Variants in ZBTB4 observed in about 807,000 individuals in gnomAD.
The protein encoded by ZBTB4 is zinc finger and BTB domain containing 4.
ZBTB4 carries 14 observed loss-of-function variants against 59.8 expected under a neutral mutation model. The ratio of observed to expected loss-of-function variants is 0.23; its 90% CI spans 0.15 to 0.37. ZBTB4 has a LOEUF of 0.37. Ranked by LOEUF, ZBTB4 falls within the 10% of genes least tolerant of loss-of-function variation. The pLI is 1.00. For missense variants in ZBTB4, 1,198 were observed against 1,380.8 expected (o/e 0.87, Z 2.10); for synonymous variants, 587 against 575.2 (o/e 1.02, Z -0.29).
rs147041318 is a variant in ZBTB4 at position 7,466,778 on chromosome 17, C to T, written c.24G>A (p.Thr8=). The part of the protein sequence containing the change: MPPPAEV[T]DPSHAPAVLR... ...GGACGGCGGGGGCATGGGACGGGTC[C>T]GTCACCTCTGCAGGGGGGGGCATGG... The change falls in exon 3 of 4, where the codon ACG becomes ACA. Residue 8 remains threonine (T), a synonymous_variant. Transcript: ENST00000380599. The surrounding 1 kb of genome is among the most constrained non-coding windows in gnomAD (Gnocchi z 9.1). The T allele has an allele frequency of 2.9e-4, 460 of 1,574,838 alleles. 1 individual carries two copies. The highest frequency in any genetic ancestry group is 3.7e-4 in the Non-Finnish European group (432 of 1,161,838).
In ZBTB4 at chr17:7,461,718, C is replaced by A. The variant is rs1047338819; in HGVS notation, c.*222G>T. 2 of 439,190 alleles carry A rather than the reference C, an allele frequency of 4.6e-6. No homozygotes were observed. Among genetic ancestry groups the A allele is most frequent in the Admixed American group, 3.9e-5 (1 of 25,360 alleles). 27.2% of individuals were successfully genotyped at this position (439,190 alleles called of 1,614,324 possible). A position where few individuals can be genotyped will look rare whatever the true frequency, so the allele number is the denominator to read the frequency against. On this transcript the variant is annotated 3_prime_UTR_variant, in exon 4 of 4. Coordinates refer to ENST00000380599, the MANE Select transcript of ZBTB4 (RefSeq NM_001128833.2). ...GGCCCTGCCCCTCATGGAGGCCATTCCCTGGAGGAAGACTGAGAGGGGAAC... is the reference window on the plus strand; with the variant it reads ...GGCCCTGCCCCTCATGGAGGCCATTACCTGGAGGAAGACTGAGAGGGGAAC...
At chr17:7,483,750 G>C (rs975811154), upstream of ZBTB4, among the ~76,000 whole-genome samples, 38 of 152,156 alleles carry the variant, frequency 2.5e-4, no homozygotes, top group Admixed American at 1.2e-3. Context: ...CCTCCTTCCA[G>C]AGCAGGCCTC....
Position 7,463,297 on chromosome 17 carries a change from G to A in ZBTB4, c.1685C>T (p.Pro562Leu). The A allele has an allele frequency of 6.2e-7, 1 of 1,610,376 alleles. No homozygotes were observed. The highest frequency in any genetic ancestry group is 8.5e-7 in the Non-Finnish European group (1 of 1,178,720). Residue 562 changes from proline (P) to leucine (L), a missense_variant, in exon 4 of 4, where the codon CCA (proline) becomes CTA (leucine). Physicochemically the swap from Pro to Leu is moderately conservative, Grantham distance 98. Transcript: ENST00000380599. ...TTTEEAKGRNPRAGRTLTYTA... is the reference protein window; with the variant it reads ...TTTEEAKGRNLRAGRTLTYTA... ...GTAAGTCAGAGTCCTTCCAGCCCGT[G>A]GATTCCGGCCCTTGGCCTCCTCCGT...
At position 7,462,557 on chromosome 17, in the gene ZBTB4, T is replaced by C. The variant is rs1421091668; in HGVS notation, c.2425A>G (p.Thr809Ala). 1 of 1,613,512 alleles carries C rather than the reference T, an allele frequency of 6.2e-7. No homozygotes were observed. Among genetic ancestry groups the C allele is most frequent in the Non-Finnish European group, 8.5e-7 (1 of 1,179,914 alleles). The change falls in exon 4 of 4, where the codon ACC becomes GCC. Residue 809 changes from threonine (T) to alanine (A), a missense_variant. Physicochemically the swap from Thr to Ala is moderately conservative, Grantham distance 58. Coordinates refer to ENST00000380599, the MANE Select transcript of ZBTB4 (RefSeq NM_001128833.2). The surrounding 1 kb of genome is among the most constrained non-coding windows in gnomAD (Gnocchi z 7.5). ...TCCTCCTTGACATCCCCGGGCCTGG[T>C]GCCAGCGCTGCCCTTGGAATAGGCA... is the stretch of plus-strand genomic sequence containing the variant. The part of the protein sequence containing the change: ...VIAYSKGSAG[T>A]RPGDVKEEAP...
chr17:7,465,918 C>T lies in ZBTB4; in HGVS notation c.884G>A (p.Gly295Asp). The T allele has an allele frequency of 2.5e-6, 4 of 1,610,538 alleles. No individual in the cohort carries two copies. Among genetic ancestry groups the T allele is most frequent in the Non-Finnish European group, 3.4e-6 (4 of 1,177,662 alleles). Residue 295 changes from glycine (G) to aspartate (D), a missense_variant, in exon 3 of 4, where the codon GGC (glycine) becomes GAC (aspartate). Gly to Asp is a moderately conservative substitution (Grantham distance 94, BLOSUM62 -1). Transcript: ENST00000380599. ...ALPPPVGFRG[G>D]PEHVVKVVGG... The stretch of plus-strand genomic sequence containing the variant: ...CACCACCTTCACCACGTGCTCGGGG[C>T]CCCCTCGGAAGCCCACTGGTGGAGG...
At position 7,463,324 on chromosome 17, in the gene ZBTB4, G is replaced by A. The variant is rs755765043; in HGVS notation, c.1658C>T (p.Thr553Ile). Reference protein sequence around the residue: ...ATAAGPAMATTTEEAKGRNPR... With the variant: ...ATAAGPAMATITEEAKGRNPR... ...ATTCCGGCCCTTGGCCTCCTCCGTGGTGGTGGCCATGGCTGGCCCTGCAGC... is the reference window on the plus strand; with the variant it reads ...ATTCCGGCCCTTGGCCTCCTCCGTGATGGTGGCCATGGCTGGCCCTGCAGC... Residue 553 changes from threonine (T) to isoleucine (I), a missense_variant, in exon 4 of 4, where the codon ACC (threonine) becomes ATC (isoleucine). Thr to Ile is a moderately conservative substitution (Grantham distance 89, BLOSUM62 -1). This residue lies in a region of ZBTB4 where 550 missense variants were observed against 541.8 expected (regional missense o/e 1.02). Coordinates refer to ENST00000380599, the MANE Select transcript of ZBTB4 (RefSeq NM_001128833.2). The A allele has an allele frequency of 8.7e-6, 14 of 1,608,930 alleles. No individual in the cohort carries two copies. Among genetic ancestry groups the A allele is most frequent in the Non-Finnish European group, 1.1e-5 (13 of 1,177,972 alleles).
At position 7,463,658 on chromosome 17, in the gene ZBTB4, T is replaced by C. The variant is rs2070069967; in HGVS notation, c.1324A>G (p.Thr442Ala). Residue 442 changes from threonine to alanine, a missense_variant, in exon 4 of 4, where the codon ACC becomes GCC. By Grantham distance (58) the Thr-to-Ala change is moderately conservative. This residue lies in a region of ZBTB4 where 550 missense variants were observed against 541.8 expected (regional missense o/e 1.02). Transcript: ENST00000380599. ...QGAPEAPLSP[T>A]LNTPAPVAMP... is the part of the protein sequence containing the mutation. ...GCCACAGGGGCCGGTGTGTTGAGGG[T>C]TGGAGAAAGGGGAGCCTCCGGGGCT... The C allele has an allele frequency of 1.9e-6, 3 of 1,612,716 alleles. No homozygotes were observed. Among genetic ancestry groups the C allele is most frequent in the South Asian group, 1.1e-5 (1 of 91,048 alleles).
intron 1 of ZBTB4, among the ~76,000 whole-genome samples, chr17:7,471,634 T>G (rs1358475305): frequency 6.6e-6 from 1 of 152,224 alleles, no homozygotes; most frequent in African/African-American, 2.4e-5. Context: ...GCTACTGCCC[T>G]GCAAGGCCTT....
At chr17:7,477,716 G>C (rs1183861269) in intron 1 of ZBTB4, among the ~76,000 whole-genome samples, 2 of 152,170 alleles carry the variant, frequency 1.3e-5, no homozygotes, top group Admixed American at 1.3e-4. Context: ...ACCCACAAGG[G>C]GGGCAGAGAG....
chr17:7,465,659 G>T, intron 3 of ZBTB4, 52 bp downstream of exon 3: 2 of 1,543,776 alleles, frequency 1.3e-6, no homozygotes, highest in South Asian at 2.5e-5. Context: ...TTGTTCCTAT[G>T]ACCGCTGAGT....
Position 7,465,983 on chromosome 17 carries a change from A to G in ZBTB4, c.819T>C (p.Ala273=). 1.2e-6 allele frequency: 2 copies of G among 1,602,030 alleles called. No homozygotes were observed. Among genetic ancestry groups the G allele is most frequent in the Non-Finnish European group, 1.7e-6 (2 of 1,171,912 alleles). Residue 273 remains alanine (A), a synonymous_variant, in exon 3 of 4, where the codon GCT becomes GCC. Coordinates refer to ENST00000380599, the MANE Select transcript of ZBTB4 (RefSeq NM_001128833.2). ...RGSTGLGAGG[A]GPGGPAGVDA... is the part of the protein sequence containing the mutation. ...CCACCCCTGCAGGACCACCAGGGCCAGCGCCCCCAGCTCCCAGCCCTGTAG... is the reference window on the plus strand; with the variant it reads ...CCACCCCTGCAGGACCACCAGGGCCGGCGCCCCCAGCTCCCAGCCCTGTAG...
chr17:7,462,905 G>A lies in ZBTB4; in HGVS notation c.2077C>T (p.Arg693Cys), dbSNP rs542157841. ...SVGGSGLPRGRRPPRWRQKLE... is the reference protein window; with the variant it reads ...SVGGSGLPRGCRPPRWRQKLE... ...TTCTGCCTCCAACGTGGTGGCCGGCGGCCTCGGGGCAGCCCACTGCCCCCC... is the reference window on the plus strand; with the variant it reads ...TTCTGCCTCCAACGTGGTGGCCGGCAGCCTCGGGGCAGCCCACTGCCCCCC... Residue 693 changes from arginine (R) to cysteine (C), a missense_variant, in exon 4 of 4, where the codon CGC (arginine) becomes TGC (cysteine). This residue lies in a region of ZBTB4 where 550 missense variants were observed against 541.8 expected (regional missense o/e 1.02). Transcript: ENST00000380599. The surrounding 1 kb of genome is among the most constrained non-coding windows in gnomAD (Gnocchi z 7.5). 8 of 1,608,884 alleles carry A rather than the reference G, an allele frequency of 5.0e-6. No homozygotes were observed. The highest frequency in any genetic ancestry group is 1.7e-5 in the Admixed American group (1 of 59,980).
At chr17:7,476,122 C>T (rs919915856) in intron 1 of ZBTB4, among the ~76,000 whole-genome samples, 1 of 152,194 alleles carries the variant, frequency 6.6e-6, no homozygotes, top group African/African-American at 2.4e-5. Context: ...GTTATGGCCT[C>T]CCAGCTATCC....
chr17:7,481,995 G>A, upstream of ZBTB4: 1 of 1,593,012 alleles, frequency 6.3e-7, no homozygotes, highest in Non-Finnish European at 8.6e-7. Flanking sequence ...CAGGCTGGCA[G>A]TCACCCCTAC....
At chr17:7,465,155 CA>C (rs1248932908) in intron 3 of ZBTB4, among the ~76,000 whole-genome samples, 2 of 52,128 alleles carry the variant, frequency 3.8e-5, no homozygotes, top group African/African-American at 1.4e-4. Context: ...GACTCTGTCT[CA>C]AAAAAAAAAA....
Position 7,462,270 on chromosome 17 carries a change from C to T in ZBTB4, c.2712G>A (p.Gly904=). 6.2e-7 allele frequency: 1 copy of T among 1,613,776 alleles called. No homozygotes were observed. Among genetic ancestry groups the T allele is most frequent in the East Asian group, 2.2e-5 (1 of 44,884 alleles). ...CAGCCCCTATCCCCTCCATCCGGTC[C>T]CCCTCACCAGCCCCCACTGGCCCTT... ...GSEGPVGAGE[G]DRMEGIGAAK... Residue 904 remains glycine (G), a synonymous_variant, in exon 4 of 4, where the codon GGG becomes GGA. Transcript: ENST00000380599. The surrounding 1 kb of genome is among the most constrained non-coding windows in gnomAD (Gnocchi z 7.5).
upstream of ZBTB4, among the ~76,000 whole-genome samples, chr17:7,481,014 C>T (rs1245869926): frequency 1.3e-5 from 2 of 152,080 alleles, no homozygotes; most frequent in Middle Eastern, 3.4e-3. Flanking sequence ...AAAAAATTAG[C>T]GGGGTGTGGT....
chr17:7,470,271 A>C (rs2070181894), intron 1 of ZBTB4, among the ~76,000 whole-genome samples: 1 of 151,822 alleles, frequency 6.6e-6, no homozygotes, highest in Admixed American at 6.6e-5. Flanking sequence ...GGTGGTGTGC[A>C]CCTATAGTTC....
chr17:7,463,114 A>C lies in ZBTB4; in HGVS notation c.1868T>G (p.Leu623Arg). The C allele has an allele frequency of 6.2e-7, 1 of 1,610,020 alleles. No individual in the cohort carries two copies. Among genetic ancestry groups the C allele is most frequent in the South Asian group, 1.1e-5 (1 of 90,824 alleles). Residue 623 changes from leucine to arginine, a missense_variant, in exon 4 of 4, where the codon CTG becomes CGG. Transcript: ENST00000380599. ...CTCTCCGCTCAGCTCCCCAGGACGC[A>C]GGTCAGTCTCTGAGATGCGGCGCTT... ...IVKRRISETDLRPGELSGEEM... is the reference protein window; with the variant it reads ...IVKRRISETDRRPGELSGEEM...
Sources: allele counts gnomAD v4.1 joint callset (sites outside exome capture counted in the v4.1 genomes callset), GRCh38; gene constraint gnomAD v4.1.1; regional missense constraint gnomAD v4.1.1; non-coding constraint Gnocchi (gnomAD v3.1); transcripts MANE v1.5; gene names NCBI Gene and HGNC (gene_info 2026-07-23, HGNC 2026-07-21).